Variants in ANKRD55 observed in about 807,000 individuals in gnomAD.
ANKRD55 encodes the protein ankyrin repeat domain-containing protein 55.
ANKRD55 carries 41 observed loss-of-function variants against 60.6 expected under a neutral mutation model. The observed-to-expected ratio is 0.68, with a 90% CI of 0.53 to 0.88. The LOEUF (loss-of-function observed/expected upper bound fraction) is 0.88. Ranked by LOEUF, ANKRD55 falls within the 40% of genes least tolerant of loss-of-function variation. The pLI, the probability that ANKRD55 is intolerant of heterozygous loss-of-function variation, is 0.00. For synonymous variants in ANKRD55, 264 were observed against 290.3 expected (o/e 0.91, Z 0.92); for missense variants, 732 against 767.6 (o/e 0.95, Z 0.55).
chr5:56,174,401 CT>C (rs1758691647), intron 4 of ANKRD55, among the ~76,000 whole-genome samples: 1 of 152,210 alleles, frequency 6.6e-6, no homozygotes, highest in African/African-American at 2.4e-5. Context: ...CCTCTACCCC[CT>C]TATCCCAGTT....
chr5:56,176,078 T>C, intron 4 of ANKRD55, 74 bp downstream of exon 4: 1 of 1,581,778 alleles, frequency 6.3e-7, no homozygotes, highest in Non-Finnish European at 8.6e-7. Context: ...AATGCTCCTT[T>C]GCAACTGGGA....
At chr5:56,118,966 C>T (rs1756960856) in intron 8 of ANKRD55, among the ~76,000 whole-genome samples, 1 of 152,190 alleles carries the variant, frequency 6.6e-6, no homozygotes, top group Non-Finnish European at 1.5e-5. Flanking sequence ...TTCATACATT[C>T]CTGGTGGGAA....
At chr5:56,198,169 C>T (rs1456490633) in intron 2 of ANKRD55, among the ~76,000 whole-genome samples, 4 of 152,106 alleles carry the variant, frequency 2.6e-5, no homozygotes, top group South Asian at 4.1e-4. Context: ...TTTAAACCTA[C>T]GAACTGGGTT....
chr5:56,112,511 A>AAAAAAAAACAAAAAAAAAAAAAC (rs1756755508), intron 9 of ANKRD55, among the ~76,000 whole-genome samples: 4 of 81,526 alleles, frequency 4.9e-5, no homozygotes, highest in African/African-American at 2.2e-4. Flanking sequence ...TAGCAAAAAA[A>AAAAAAAAACAAAAAAAAAAAAAC]AAAAAAAAAA....
chr5:56,138,762 T>C (rs2111749388), intron 7 of ANKRD55, among the ~76,000 whole-genome samples: 1 of 152,306 alleles, frequency 6.6e-6, no homozygotes, highest in African/African-American at 2.4e-5. Context: ...ATTCCAATCA[T>C]ATGACATTCT....
In ANKRD55 at chr5:56,143,893, G is replaced by A; in HGVS notation, c.520C>T (p.Gln174Ter). ...AGCAGCATTTGTGTGTGTTGAGGCT[G>A]GTTGTGGAAAGCCGCCCAGTGGAGT... is the stretch of plus-strand genomic sequence containing the variant. ...TPLHWAAFHN[Q>*]PQHTQMLLKK... The change falls in exon 7 of 12, where the codon CAG becomes TAG. Residue 174 changes from glutamine to a stop codon, truncating the protein, a stop_gained. Coordinates refer to ENST00000341048, the MANE Select transcript of ANKRD55 (RefSeq NM_024669.3). LOFTEE classifies it high-confidence loss of function. 6.2e-7 allele frequency: 1 copy of A among 1,614,098 alleles called. No individual in the cohort carries two copies. The highest frequency in any genetic ancestry group is 8.5e-7 in the Non-Finnish European group (1 of 1,180,034).
At chr5:56,193,606 G>T in intron 2 of ANKRD55, 1 of 319,446 alleles carries the variant, frequency 3.1e-6, no homozygotes, top group Admixed American at 3.8e-5. Flanking sequence ...AAACAAAAAT[G>T]AAGGCACAAA....
chr5:56,132,752 C>A (rs1397706799), intron 7 of ANKRD55, among the ~76,000 whole-genome samples: 2 of 152,216 alleles, frequency 1.3e-5, no homozygotes, highest in African/African-American at 4.8e-5. Flanking sequence ...TAAGACCCAA[C>A]TATATGTTGT....
chr5:56,160,122 T>G (rs945722030), intron 5 of ANKRD55, among the ~76,000 whole-genome samples: 2 of 152,178 alleles, frequency 1.3e-5, no homozygotes, highest in Non-Finnish European at 2.9e-5. Context: ...CACCCTCTCT[T>G]CATCTCAGCA....
chr5:56,145,211 C>T (rs1437927379), intron 6 of ANKRD55, among the ~76,000 whole-genome samples: 3 of 152,216 alleles, frequency 2.0e-5, no homozygotes, highest in Non-Finnish European at 4.4e-5. Context: ...ATGTCTCCTA[C>T]GTGTTCACCA....
rs1489640426 is a variant in ANKRD55, at chr5:56,209,624, G to A, written c.58+23232C>T. ...TGGGACTACAGGCGCCCGCCACCGC[G>A]CCTGGCTAATTTTTGTATTTTTAGT... On this transcript the variant is annotated intron_variant, in intron 2 of 11. Transcript: ENST00000341048. 3.9e-5 allele frequency among the ~76,000 whole-genome samples: 6 copies of A among 152,076 alleles called. No homozygotes were observed. The East Asian group carries it at 1.2e-3, about 30-fold the overall frequency.
At chr5:56,202,915 T>G (rs1301974602) in intron 2 of ANKRD55, among the ~76,000 whole-genome samples, 2 of 152,206 alleles carry the variant, frequency 1.3e-5, no homozygotes, top group Non-Finnish European at 2.9e-5. Context: ...GTTTCTGTGT[T>G]GAAATTCAGT....
At chr5:56,139,152 T>G (rs971833892) in intron 7 of ANKRD55, among the ~76,000 whole-genome samples, 2 of 152,182 alleles carry the variant, frequency 1.3e-5, no homozygotes, top group African/African-American at 4.8e-5. Flanking sequence ...ATTGGGTACT[T>G]AAAACTGCTC....
intron 2 of ANKRD55, among the ~76,000 whole-genome samples, chr5:56,197,942 A>G (rs1472331029): frequency 6.6e-6 from 1 of 152,216 alleles, no homozygotes; most frequent in Non-Finnish European, 1.5e-5. Flanking sequence ...TACTTGAAAG[A>G]ATCCCTTGAT....
intron 6 of ANKRD55, among the ~76,000 whole-genome samples, chr5:56,147,515 A>G (rs1757928388): frequency 1.3e-5 from 2 of 152,220 alleles, no homozygotes; most frequent in South Asian, 4.1e-4. Context: ...ATTTATTTTT[A>G]TAAGATATAT....
chr5:56,148,091 C>T (rs1757943859), intron 6 of ANKRD55, among the ~76,000 whole-genome samples: 1 of 152,198 alleles, frequency 6.6e-6, no homozygotes. Context: ...ACTGAGCACA[C>T]AGTAAGTGTT....
chr5:56,227,153 C>T (rs955459711), intron 2 of ANKRD55, among the ~76,000 whole-genome samples: 4 of 152,084 alleles, frequency 2.6e-5, no homozygotes, highest in African/African-American at 9.7e-5. Flanking sequence ...GAATACTATG[C>T]AGCCATAAAA....
chr5:56,167,217 C>T (rs1389663851), intron 5 of ANKRD55, among the ~76,000 whole-genome samples: 1 of 152,286 alleles, frequency 6.6e-6, no homozygotes, highest in East Asian at 1.9e-4. Context: ...GAGTGTATTA[C>T]ACAAACCTAG....
At chr5:56,185,824 G>A (rs756570070) in intron 2 of ANKRD55, among the ~76,000 whole-genome samples, 1 of 152,204 alleles carries the variant, frequency 6.6e-6, no homozygotes, top group Non-Finnish European at 1.5e-5. Flanking sequence ...CTCTGTCCCA[G>A]TATTTTTGGG....
Sources: gnomAD v4.1 joint callset for allele counts (sites outside exome capture counted in the v4.1 genomes callset) on GRCh38, gnomAD v4.1.1 for gene constraint, MANE v1.5 for transcripts, NCBI Gene and HGNC (gene_info 2026-07-23, HGNC 2026-07-21) for gene names.